Variants in ATPAF1 observed in about 807,000 individuals in gnomAD.
The protein encoded by ATPAF1 is ATP synthase mitochondrial F1 complex assembly factor 1, also known as homolog of yeast ATP11.
ATPAF1 carries 26 observed loss-of-function variants against 43.9 expected under a neutral mutation model. The observed-to-expected ratio is 0.59, with a 90% CI of 0.43 to 0.82. The LOEUF is 0.82. Ranked by LOEUF, ATPAF1 falls within the 40% of genes least tolerant of loss-of-function variation. The pLI, the probability that ATPAF1 is intolerant of heterozygous loss-of-function variation, is 0.00. For synonymous variants in ATPAF1, 157 were observed against 168.0 expected, an observed-to-expected ratio of 0.93 and a Z score of 0.50; for missense variants, 366 against 435.0, an observed-to-expected ratio of 0.84 and a Z score of 1.41.
In ATPAF1 at chr1:46,659,902, C is replaced by T. The variant is rs544510257; in HGVS notation, c.376-1165G>A. Among the ~76,000 whole-genome samples, 248 of 152,314 alleles carry T rather than the reference C, an allele frequency of 1.6e-3. 2 individuals carry two copies. The highest frequency in any genetic ancestry group is 5.6e-3 in the African/African-American group (232 of 41,564). ...TAGTCTTTTTGGTCACGCACCTATA[C>T]ACTGACAACATCCCAGTGTAGCCGT... On this transcript the variant is annotated intron_variant, in intron 2 of 8. Transcript: ENST00000574428.
intron 2 of ATPAF1, chr1:46,663,852 G>C (rs1230716940): frequency 4.8e-6 from 6 of 1,238,478 alleles, no homozygotes; most frequent in Non-Finnish European, 6.2e-6. Flanking sequence ...GGCTTCTGCA[G>C]CCCACACCTG....
At chr1:46,637,285 C>T (rs1675860125) in intron 8 of ATPAF1, among the ~76,000 whole-genome samples, 1 of 152,114 alleles carries the variant, frequency 6.6e-6, no homozygotes, top group East Asian at 1.9e-4. Flanking sequence ...GAGGCTGAGA[C>T]AGGAGGATTG....
intron 5 of ATPAF1, 100 bp from the exon 6 acceptor site, chr1:46,652,728 C>T (rs546389417): frequency 4.1e-6 from 4 of 980,996 alleles, no homozygotes; most frequent in South Asian, 2.9e-5. Flanking sequence ...AATTATAATA[C>T]AACTAAAACA....
exon 9 of ATPAF1, chr1:46,635,540 A>G: frequency 2.0e-6 from 1 of 508,820 alleles, no homozygotes. Context: ...ATAACCTCGA[A>G]CACTTAAAAA....
chr1:46,635,893 T>C lies in ATPAF1; in HGVS notation c.870A>G (p.Leu290=), dbSNP rs41298535. 176 of 1,614,276 alleles carry C rather than the reference T, an allele frequency of 1.1e-4. No individual in the cohort carries two copies. Among genetic ancestry groups the C allele is most frequent in the Middle Eastern group, 1.6e-4 (1 of 6,062 alleles). The change falls in exon 9 of 9, where the codon TTA becomes TTG. Residue 290 remains leucine (L), a synonymous_variant. Coordinates refer to ENST00000574428, the Ensembl canonical transcript of ATPAF1. ...TTGGTCTGAGGTTAAAGGTCTCCACTAACCCGTAGGTCTCTTTCCGATCAG... is the reference window on the plus strand; with the variant it reads ...TTGGTCTGAGGTTAAAGGTCTCCACCAACCCGTAGGTCTCTTTCCGATCAG...
intron 8 of ATPAF1, among the ~76,000 whole-genome samples, chr1:46,640,345 C>T (rs962465119): frequency 6.6e-6 from 1 of 152,204 alleles, no homozygotes; most frequent in African/African-American, 2.4e-5. Context: ...CGTGGTGGCT[C>T]ATGCCTGTAA....
rs967140201 is a variant in ATPAF1, at chr1:46,653,297, A to G, written c.540+520T>C. 1.3e-5 allele frequency among the ~76,000 whole-genome samples: 2 copies of G among 152,114 alleles called. No homozygotes were observed. The highest frequency in any genetic ancestry group is 2.4e-5 in the African/African-American group (1 of 41,424). ...AAGCCAGCAGCATCCCTTCTCTGTC[A>G]CAGACCTTAATGGTCAAGCAGTAGA... On this transcript the variant is annotated intron_variant, in intron 5 of 8. Transcript: ENST00000574428. The surrounding 1 kb of genome is among the most constrained non-coding windows in gnomAD (Gnocchi z 4.8).
intron 6 of ATPAF1, among the ~76,000 whole-genome samples, chr1:46,648,576 G>A (rs1238083911): frequency 6.6e-6 from 1 of 152,122 alleles, no homozygotes. Flanking sequence ...TCACTATATT[G>A]CCCAAGGTGA....
chr1:46,644,082 T>C (rs1302290790), intron 7 of ATPAF1, among the ~76,000 whole-genome samples: 1 of 152,258 alleles, frequency 6.6e-6, no homozygotes, highest in Non-Finnish European at 1.5e-5. Context: ...AATGTTACAC[T>C]GATCATTTTG....
intron 7 of ATPAF1, 107 bp downstream of exon 7, chr1:46,645,054 A>G: frequency 1.2e-6 from 1 of 832,384 alleles, no homozygotes; most frequent in Non-Finnish European, 1.9e-6. Context: ...ACAATAATAA[A>G]TGCTGGGAGT....
intron 8 of ATPAF1, 34 bp from the exon 9 acceptor site, chr1:46,636,004 T>G (rs745379423): frequency 2.9e-5 from 46 of 1,604,964 alleles, no homozygotes; most frequent in Middle Eastern, 3.3e-4. Context: ...GGTCCTTTCT[T>G]GCACAGGGCC....
intron 6 of ATPAF1, among the ~76,000 whole-genome samples, chr1:46,650,862 A>T (rs1676152081): frequency 6.6e-6 from 1 of 152,042 alleles, no homozygotes; most frequent in Non-Finnish European, 1.5e-5. Flanking sequence ...GAGAGTGGTT[A>T]CTAGAGGAAC....
chr1:46,656,778 C>T (rs1047013506), intron 4 of ATPAF1, among the ~76,000 whole-genome samples: 2 of 152,188 alleles, frequency 1.3e-5, no homozygotes, highest in East Asian at 1.9e-4. Flanking sequence ...TCCTTTGGTA[C>T]TTCTTCCCAA....
chr1:46,662,454 T>TA (rs1043270482), intron 2 of ATPAF1, among the ~76,000 whole-genome samples: 1 of 151,416 alleles, frequency 6.6e-6, no homozygotes. Flanking sequence ...ATCTGTTATT[T>TA]TTTTTTTTTT....
chr1:46,664,258 T>C (rs750249773), intron 2 of ATPAF1, among the ~76,000 whole-genome samples: 19 of 152,240 alleles, frequency 1.2e-4, no homozygotes, highest in Non-Finnish European at 2.6e-4. Flanking sequence ...TAAGTACTTA[T>C]GCCAGAGACG....
chr1:46,636,183 T>C (rs1305723096), intron 8 of ATPAF1: 1 of 628,038 alleles, frequency 1.6e-6, no homozygotes, highest in Non-Finnish European at 2.8e-6. Flanking sequence ...TCACACTGTA[T>C]TGTATTTTTC....
At chr1:46,658,729 G>C (rs769529732) in exon 3 of ATPAF1, 1 of 1,599,834 alleles carries the variant, frequency 6.3e-7, no homozygotes, top group Non-Finnish European at 8.5e-7. Flanking sequence ...GTTTCCCCAA[G>C]GCATCTGTCT....
At chr1:46,657,145 C>G (rs1219832695) in intron 4 of ATPAF1, among the ~76,000 whole-genome samples, 2 of 152,178 alleles carry the variant, frequency 1.3e-5, no homozygotes, top group African/African-American at 4.8e-5. Context: ...ATGGCACCCA[C>G]TTCACGGGGT....
intron 8 of ATPAF1, among the ~76,000 whole-genome samples, chr1:46,638,765 C>T (rs529794420): frequency 8.3e-4 from 126 of 151,708 alleles, no homozygotes; most frequent in African/African-American, 3.0e-3. Flanking sequence ...GCCTTTTATT[C>T]TCTTGGCTTT....
Sources: allele counts gnomAD v4.1 joint callset (sites outside exome capture counted in the v4.1 genomes callset), GRCh38; gene constraint gnomAD v4.1.1; non-coding constraint Gnocchi (gnomAD v3.1); transcripts MANE v1.5; gene names NCBI Gene and HGNC (gene_info 2026-07-23, HGNC 2026-07-21).